The following LRRFIP1 variants were observed in gnomAD, a reference collection of about 807,000 sequenced individuals.
The protein encoded by LRRFIP1 is leucine-rich repeat flightless-interacting protein 1.
A neutral mutation model predicts 104.4 loss-of-function variants in LRRFIP1; 62 were observed. That is an observed-to-expected ratio of 0.59 (90% confidence interval 0.48 to 0.73). The LOEUF is 0.73. Among genes scored for constraint, LRRFIP1 ranks in the 30% least tolerant of loss-of-function variants. The probability of loss-of-function intolerance (pLI) is 0.00; values close to 1 mark genes in which losing one functional copy is unlikely to be tolerated. For missense variants in LRRFIP1, 796 were observed against 824.5 expected, an observed-to-expected ratio of 0.97 and a Z score of 0.42; for synonymous variants, 300 against 299.0, an observed-to-expected ratio of 1.00 and a Z score of -0.03.
At chr2:237,692,653 C>A in intron 1 of LRRFIP1, 2 of 1,228,294 alleles carry the variant, frequency 1.6e-6, no homozygotes, top group Non-Finnish European at 2.1e-6. Context: ...GGGACCCCAG[C>A]GCGGTGGGAG....
intron 1 of LRRFIP1, among the ~76,000 whole-genome samples, chr2:237,659,588 TTA>T (rs1002283362): frequency 2.0e-5 from 3 of 148,082 alleles, no homozygotes; most frequent in Non-Finnish European, 3.0e-5. Context: ...TATATTTATA[TTA>T]TATATGTTTA....
intron 8 of LRRFIP1, 50 bp from the exon 9 acceptor site, chr2:237,733,724 T>G: frequency 1.9e-6 from 3 of 1,574,948 alleles, no homozygotes; most frequent in Non-Finnish European, 2.6e-6. Context: ...TGTCATTTGT[T>G]GCTGTTTTTT....
intron 7 of LRRFIP1, among the ~76,000 whole-genome samples, chr2:237,724,588 C>G (rs1286031444): frequency 6.6e-6 from 1 of 152,164 alleles, no homozygotes; most frequent in African/African-American, 2.4e-5. Context: ...GTATCTGTTA[C>G]TTACCTACAG....
intron 1 of LRRFIP1, among the ~76,000 whole-genome samples, chr2:237,708,008 C>T (rs2093898068): frequency 6.6e-6 from 1 of 152,348 alleles, no homozygotes; most frequent in Non-Finnish European, 1.5e-5. Context: ...CCCAGCTCCA[C>T]GCCAGCCAGC....
At chr2:237,707,344 G>C (rs1211046056) in intron 1 of LRRFIP1, among the ~76,000 whole-genome samples, 1 of 150,488 alleles carries the variant, frequency 6.6e-6, no homozygotes, top group Admixed American at 6.7e-5. Flanking sequence ...GAGGCAGGAG[G>C]GTTGCTAGAG....
In LRRFIP1 at chr2:237,640,890, G is replaced by A. The variant is rs555047328; in HGVS notation, c.96+13150G>A. ...CTTCCAACCCCTGGCCTCTCTTTTC[G>A]CTTGGCCAAAAGGCGTGCATCTCAG... On this transcript the variant is annotated intron_variant, in intron 1 of 23. Coordinates refer to ENST00000308482, the MANE Select transcript of LRRFIP1 (RefSeq NM_001137550.2). Among the ~76,000 whole-genome samples the A allele has an allele frequency of 3.9e-5, 6 of 151,972 alleles. 1 individual carries two copies. The highest frequency in any genetic ancestry group is 5.9e-5 in the Non-Finnish European group (4 of 68,006).
intron 23 of LRRFIP1, among the ~76,000 whole-genome samples, chr2:237,777,101 A>C (rs76279909): frequency 0.045 from 6,793 of 152,236 alleles, 176 homozygotes; most frequent in Middle Eastern, 0.13. Context: ...ACTTTTGAGC[A>C]CTTTAGCTTC....
At chr2:237,646,970 GA>G (rs2085021345) in intron 1 of LRRFIP1, among the ~76,000 whole-genome samples, 1 of 151,950 alleles carries the variant, frequency 6.6e-6, no homozygotes, top group Non-Finnish European at 1.5e-5. Flanking sequence ...TTGCTCTGTT[GA>G]TTTTTCCTTC....
Position 237,632,390 on chromosome 2 carries a change from C to A in LRRFIP1, c.96+4650C>A, listed in dbSNP as rs554017762. 1.4e-3 allele frequency among the ~76,000 whole-genome samples: 218 copies of A among 152,322 alleles called. 1 individual carries two copies. The highest frequency in any genetic ancestry group is 5.1e-3 in the African/African-American group (210 of 41,582). On this transcript the variant is annotated intron_variant, in intron 1 of 23. Transcript: ENST00000308482. ...GGGCCAGGCTGAGGCCAACTCCTGC[C>A]GAGACCACCTCCCTCCCCAGCCCTT...
chr2:237,760,656 A>AC (rs1358086236), intron 19 of LRRFIP1, among the ~76,000 whole-genome samples: 1 of 152,176 alleles, frequency 6.6e-6, no homozygotes, highest in Non-Finnish European at 1.5e-5. Context: ...GCCAACATCG[A>AC]CATCCTGGGC....
Position 237,735,268 on chromosome 2 carries a change from G to C in LRRFIP1, c.490G>C (p.Ala164Pro), listed in dbSNP as rs768545156. ...SAARPSGSYR[A>P]SVLDEGSFGG... ...TCCTGACAGTCTCTTTTGGTCGCAG[G>C]CGTCTGTGTTGGATGAAGGCAGCTT... Residue 164 changes from alanine (A) to proline (P), a missense_variant and splice_region_variant, in exon 10 of 24, where the codon GCG becomes CCG. Transcript: ENST00000308482. The surrounding 1 kb of genome is among the most constrained non-coding windows in gnomAD (Gnocchi z 4.6). 1.9e-6 allele frequency: 3 copies of C among 1,613,410 alleles called. No individual in the cohort carries two copies. Among genetic ancestry groups the C allele is most frequent in the Non-Finnish European group, 2.5e-6 (3 of 1,179,774 alleles).
At chr2:237,754,664 C>T (rs1269951574) in intron 15 of LRRFIP1, among the ~76,000 whole-genome samples, 5 of 152,202 alleles carry the variant, frequency 3.3e-5, no homozygotes, top group African/African-American at 1.2e-4. Context: ...TCTTCGACTG[C>T]TATAGAATTG....
In LRRFIP1 at chr2:237,717,675, G is replaced by A; in HGVS notation, c.202-87G>A. On this transcript the variant is annotated intron_variant, in intron 3 of 23. Transcript: ENST00000308482. The surrounding 1 kb of genome is among the most constrained non-coding windows in gnomAD (Gnocchi z 4.2). The stretch of plus-strand genomic sequence containing the variant: ...CACCACACGGCTGGATGGCGGTTTG[G>A]AAATGCATGTCAGAACAGTGCCTTA... 1 of 1,029,554 alleles carries A rather than the reference G, an allele frequency of 9.7e-7. No individual in the cohort carries two copies. Among genetic ancestry groups the A allele is most frequent in the Non-Finnish European group, 1.5e-6 (1 of 646,638 alleles). The allele number at this position is 1,029,554 out of a possible 1,614,324, so 63.8% of individuals were successfully genotyped here.
At chr2:237,719,939 A>AC (rs2094476661) in intron 5 of LRRFIP1, among the ~76,000 whole-genome samples, 1 of 130,470 alleles carries the variant, frequency 7.7e-6, no homozygotes, top group Non-Finnish European at 1.6e-5. Context: ...GGATGAAATT[A>AC]CTTTTTTTTT....
At chr2:237,715,340 G>C (rs905178867) in intron 3 of LRRFIP1, among the ~76,000 whole-genome samples, 1 of 152,118 alleles carries the variant, frequency 6.6e-6, no homozygotes, top group Non-Finnish European at 1.5e-5. Context: ...AGAGAGCCTC[G>C]GGAAGAACTG....
intron 12 of LRRFIP1, 147 bp downstream of exon 12, chr2:237,748,546 C>T: frequency 1.4e-6 from 1 of 707,824 alleles, no homozygotes; most frequent in Non-Finnish European, 2.4e-6. Context: ...GTATCACCTT[C>T]CCGGAGGTAG....
At chr2:237,747,520 C>G (rs2058032923) in intron 11 of LRRFIP1, among the ~76,000 whole-genome samples, 1 of 152,224 alleles carries the variant, frequency 6.6e-6, no homozygotes, top group Admixed American at 6.5e-5. Context: ...TCAGGTGTTG[C>G]TGAGCCGTGG....
intron 1 of LRRFIP1, chr2:237,692,178 G>A: frequency 2.9e-6 from 3 of 1,029,426 alleles, no homozygotes; most frequent in Non-Finnish European, 3.5e-6. Flanking sequence ...GGGACGGGCG[G>A]AGGCGCCCGA....
intron 22 of LRRFIP1, 188 bp from the exon 23 acceptor site, chr2:237,774,170 G>A (rs895947697): frequency 1.6e-5 from 9 of 567,270 alleles, no homozygotes; most frequent in East Asian, 8.9e-5. Flanking sequence ...GCACAGGGTC[G>A]CCCAGAAATA....
Sources: gnomAD v4.1 joint callset for allele counts (sites outside exome capture counted in the v4.1 genomes callset) on GRCh38, gnomAD v4.1.1 for gene constraint, Gnocchi (gnomAD v3.1) non-coding constraint, MANE v1.5 for transcripts, NCBI Gene and HGNC (gene_info 2026-07-23, HGNC 2026-07-21) for gene names.